The following MRNIP variants were observed in gnomAD, a reference collection of about 807,000 sequenced individuals.
The protein encoded by MRNIP is MRN complex-interacting protein.
A neutral mutation model predicts 29.8 loss-of-function variants in MRNIP; 30 were observed. The ratio of observed to expected loss-of-function variants is 1.01; its 90% CI spans 0.75 to 1.36. The LOEUF is 1.36. Ranked by LOEUF, MRNIP falls within the 40% of genes most tolerant of loss-of-function variation. The pLI is 0.00. For synonymous variants in MRNIP, 201 were observed against 164.1 expected (o/e 1.23, Z -1.72); for missense variants, 459 against 423.5 (o/e 1.08, Z -0.74).
intron 6 of MRNIP, chr5:179,840,238 C>G (rs1305243288): frequency 6.6e-6 from 1 of 152,402 alleles, no homozygotes; most frequent in Non-Finnish European, 1.5e-5. Context: ...CTGCGCCTGG[C>G]CTCTACAAAA....
At chr5:179,853,283 G>A (rs1280997040) in intron 2 of MRNIP, 95 bp downstream of exon 2, 8 of 1,602,036 alleles carry the variant, frequency 5.0e-6, no homozygotes, top group Non-Finnish European at 6.8e-6. Context: ...AACTCTGTTT[G>A]AGAGAGGATG....
intron 2 of MRNIP, among the ~76,000 whole-genome samples, chr5:179,848,795 T>A (rs1759232007): frequency 6.6e-6 from 1 of 152,132 alleles, no homozygotes; most frequent in Non-Finnish European, 1.5e-5. Context: ...CAGGAAGATA[T>A]GAAGAAGCAA....
At chr5:179,841,190 G>C (rs1308452740) in intron 5 of MRNIP, 2 of 542,284 alleles carry the variant, frequency 3.7e-6, no homozygotes, top group African/African-American at 1.9e-5. Context: ...CCGGCACCCA[G>C]GCTGGAGTGC....
chr5:179,855,692 G>A (rs1759546655), intron 1 of MRNIP, among the ~76,000 whole-genome samples: 1 of 152,088 alleles, frequency 6.6e-6, no homozygotes, highest in African/African-American at 2.4e-5. Context: ...AAGATGTCTA[G>A]GTTGATCCAT....
intron 5 of MRNIP, 96 bp downstream of exon 5, chr5:179,841,811 C>T (rs1015429231): frequency 3.1e-5 from 42 of 1,349,358 alleles, no homozygotes; most frequent in Middle Eastern, 2.7e-4. Flanking sequence ...CTAGGCTTCC[C>T]GCGCTTGGCT....
chr5:179,844,059 C>T, intron 4 of MRNIP, 93 bp downstream of exon 4: 1 of 1,029,592 alleles, frequency 9.7e-7, no homozygotes, highest in South Asian at 1.4e-5. Context: ...GTGGCATCAA[C>T]ACACATTTGC....
intron 1 of MRNIP, among the ~76,000 whole-genome samples, chr5:179,856,933 T>C (rs780667178): frequency 4.0e-5 from 6 of 151,766 alleles, no homozygotes; most frequent in Non-Finnish European, 7.4e-5. Flanking sequence ...CTACAAAAAA[T>C]ATAAAAATTA....
chr5:179,844,490 G>A (rs1759046616), intron 3 of MRNIP, among the ~76,000 whole-genome samples: 2 of 152,174 alleles, frequency 1.3e-5, no homozygotes, highest in African/African-American at 4.8e-5. Flanking sequence ...TGACAATGGA[G>A]ATAAGTTGCA....
chr5:179,837,799 C>G lies in MRNIP; in HGVS notation c.624G>C (p.Leu208=). ...TCCATAGCTCCTTCCCAGGACCCCT[C>G]AGCTCCCCGGCACTGCAGTCTGCAG... The part of the protein sequence containing the change: ...ENSADCSAGE[L]RGPGKELWSP... The change falls in exon 7 of 7, where the codon CTG becomes CTC. Residue 208 remains leucine (L), a synonymous_variant. Transcript: ENST00000292586. 6.2e-7 allele frequency: 1 copy of G among 1,614,052 alleles called. No individual in the cohort carries two copies. The highest frequency in any genetic ancestry group is 8.5e-7 in the Non-Finnish European group (1 of 1,180,042).
chr5:179,849,000 G>C (rs1399530493), intron 2 of MRNIP, among the ~76,000 whole-genome samples: 2 of 151,938 alleles, frequency 1.3e-5, no homozygotes, highest in Non-Finnish European at 2.9e-5. Flanking sequence ...GATGGTACAA[G>C]ACGGAATTTG....
chr5:179,855,698 T>C (rs544455210), intron 1 of MRNIP, among the ~76,000 whole-genome samples: 2 of 152,256 alleles, frequency 1.3e-5, no homozygotes, highest in South Asian at 4.1e-4. Context: ...TCTAGGTTGA[T>C]CCATTAACAT....
chr5:179,846,638 A>G (rs955398266), intron 3 of MRNIP, among the ~76,000 whole-genome samples: 1 of 152,126 alleles, frequency 6.6e-6, no homozygotes, highest in Non-Finnish European at 1.5e-5. Context: ...GAGGAGCTCC[A>G]TTTACCTCTG....
At position 179,857,893 on chromosome 5, in the gene MRNIP, T is replaced by TC. The variant is rs1329083925; in HGVS notation, c.66+837dup. Reference sequence around the variant, plus strand: ...TGGGCATGGTGGCGCATGCCTGTAATCCAGCTACTCGGGAGGCTGAGGCAG... The same window carrying TC: ...TGGGCATGGTGGCGCATGCCTGTAATCCCAGCTACTCGGGAGGCTGAGGCAG... On this transcript the variant is annotated intron_variant, in intron 1 of 6. Coordinates refer to ENST00000292586, the MANE Select transcript of MRNIP (RefSeq NM_016175.4). Among the ~76,000 whole-genome samples the TC allele has an allele frequency of 8.6e-5, 13 of 151,466 alleles. No individual in the cohort carries two copies. The South Asian group carries it at 2.3e-3, about 27-fold the overall frequency.
chr5:179,839,515 G>A (rs1228711810), intron 6 of MRNIP: 2 of 152,264 alleles, frequency 1.3e-5, no homozygotes, highest in Non-Finnish European at 2.9e-5. Flanking sequence ...ATGCAGCCCA[G>A]GGACTGGCCC....
rs572508011 is a variant in MRNIP at position 179,856,127 on chromosome 5, C to T, written c.66+2604G>A. Among the ~76,000 whole-genome samples the T allele has an allele frequency of 8.6e-5, 13 of 151,578 alleles. No individual in the cohort carries two copies. The East Asian group carries it at 2.4e-3, about 27-fold the overall frequency. ...TTCACAACATTGCCCAGGCTGGTCT[C>T]GAACTCCTGACCTCATGATCTGCCC... On this transcript the variant is annotated intron_variant, in intron 1 of 6. Transcript: ENST00000292586.
At chr5:179,855,689 C>T (rs770461953) in intron 1 of MRNIP, among the ~76,000 whole-genome samples, 3 of 152,060 alleles carry the variant, frequency 2.0e-5, no homozygotes, top group Non-Finnish European at 4.4e-5. Flanking sequence ...ACAAAGATGT[C>T]TAGGTTGATC....
Position 179,857,934 on chromosome 5 carries a change from C to T in MRNIP, c.66+797G>A, listed in dbSNP as rs368862965. On this transcript the variant is annotated intron_variant, in intron 1 of 6. Coordinates refer to ENST00000292586, the MANE Select transcript of MRNIP (RefSeq NM_016175.4). ...GCTGAGGCAGGAGAATTGCTTGAAC[C>T]TGGGAGGCGGAGGTTGCGGTGAGCC... Among the ~76,000 whole-genome samples the T allele has an allele frequency of 2.9e-3, 439 of 150,054 alleles. 6 individuals carry two copies. The highest frequency in any genetic ancestry group is 0.011 in the South Asian group (53 of 4,804).
At chr5:179,846,621 C>T (rs534419681) in intron 3 of MRNIP, among the ~76,000 whole-genome samples, 30 of 152,280 alleles carry the variant, frequency 2.0e-4, no homozygotes, top group African/African-American at 6.7e-4. Flanking sequence ...AGATATATTG[C>T]TGCAAAGAGG....
intron 2 of MRNIP, among the ~76,000 whole-genome samples, chr5:179,848,356 CAT>C (rs143693506): frequency 0.014 from 2,120 of 152,250 alleles, 66 homozygotes; most frequent in African/African-American, 0.049. Flanking sequence ...GGTTAGTGCA[CAT>C]GAGTAAAAAG....
Sources: allele counts gnomAD v4.1 joint callset (sites outside exome capture counted in the v4.1 genomes callset), GRCh38; gene constraint gnomAD v4.1.1; transcripts MANE v1.5; gene names NCBI Gene and HGNC (gene_info 2026-07-23, HGNC 2026-07-21).